Variants in PACS2 observed in about 807,000 individuals in gnomAD.
PACS2 encodes PACS1-like protein.
A neutral mutation model predicts 113.0 loss-of-function variants in PACS2; 36 were observed. The observed-to-expected ratio is 0.32, with a 90% CI of 0.24 to 0.42. The LOEUF (loss-of-function observed/expected upper bound fraction) is 0.42, where lower values mean the gene tolerates loss of function less well. PACS2 is among the 10% of genes least tolerant of loss of function. The pLI, the probability that PACS2 is intolerant of heterozygous loss-of-function variation, is 1.00. For missense variants in PACS2, 1,015 were observed against 1,239.5 expected (o/e 0.82, Z 2.72); for synonymous variants, 589 against 536.1 (o/e 1.10, Z -1.36).
chr14:105,350,977 G>A (rs587749436), intron 2 of PACS2, among the ~76,000 whole-genome samples: 5 of 152,318 alleles, frequency 3.3e-5, no homozygotes, highest in Admixed American at 2.0e-4. Context: ...CGCCATGGAC[G>A]TCTCATGGAG....
In PACS2 at chr14:105,315,502, A is replaced by G. The variant is rs1347391033; in HGVS notation, c.119+465A>G. 1 of 152,260 alleles carries G rather than the reference A, an allele frequency of 6.6e-6. No homozygotes were observed. The highest frequency in any genetic ancestry group is 1.5e-5 in the Non-Finnish European group (1 of 68,066). 9.4% of individuals were successfully genotyped at this position (152,260 alleles called of 1,614,324 possible). A position where few individuals can be genotyped will look rare whatever the true frequency, so the allele number is the denominator to read the frequency against. ...CAGGACTCGGTTGTATCCTCCGTCC[A>G]GCGCGCGGTGGAGATGCCCTGTCCT... On this transcript the variant is annotated intron_variant, in intron 1 of 24. Transcript: ENST00000447393. The surrounding 1 kb of genome is among the most constrained non-coding windows in gnomAD (Gnocchi z 4.4).
chr14:105,370,088 C>T (rs992052918), intron 8 of PACS2, 188 bp downstream of exon 8: 8 of 568,336 alleles, frequency 1.4e-5, no homozygotes, highest in African/African-American at 9.6e-5. Context: ...CCAGGTCACC[C>T]GCTGGGTCTC....
At chr14:105,325,961 G>A (rs752875440) in intron 1 of PACS2, among the ~76,000 whole-genome samples, 5 of 152,260 alleles carry the variant, frequency 3.3e-5, no homozygotes, top group Non-Finnish European at 7.3e-5. Flanking sequence ...CCAGGGACCA[G>A]TTGACAGCTA....
At chr14:105,392,166 A>G (rs945139211) in intron 22 of PACS2, 3 of 324,434 alleles carry the variant, frequency 9.2e-6, no homozygotes, top group South Asian at 3.8e-5. Context: ...TCTCCGGAGC[A>G]GACCTCACTC....
In PACS2 at chr14:105,397,209, C is replaced by T. The variant is rs1016497769; in HGVS notation, c.*2537C>T. 6.6e-6 allele frequency: 1 copy of T among 152,410 alleles called. No individual in the cohort carries two copies. Among genetic ancestry groups the T allele is most frequent in the South Asian group, 2.1e-4 (1 of 4,840 alleles). The allele number at this position is 152,410 out of a possible 1,614,324, so 9.4% of individuals were successfully genotyped here. A position where few individuals can be genotyped will look rare whatever the true frequency, so the allele number is the denominator to read the frequency against. On this transcript the variant is annotated 3_prime_UTR_variant, in exon 25 of 25. Transcript: ENST00000447393. ...TGCCAGCCCTCTGTGCCTCGGTTTT[C>T]CCACTGGTTACACAGGATGGTCGCA...
At chr14:105,350,211 C>T (rs1417819702) in intron 2 of PACS2, among the ~76,000 whole-genome samples, 2 of 152,222 alleles carry the variant, frequency 1.3e-5, no homozygotes, top group East Asian at 1.9e-4. Context: ...GCCACCAGGC[C>T]GTGAGGCTGT....
chr14:105,392,346 C>T (rs1408396037), intron 22 of PACS2: 11 of 509,558 alleles, frequency 2.2e-5, no homozygotes, highest in South Asian at 4.6e-5. Flanking sequence ...CGGGCCCTCA[C>T]GACTCCAAGG....
chr14:105,377,740 G>A (rs1436964665), intron 9 of PACS2, among the ~76,000 whole-genome samples: 1 of 152,246 alleles, frequency 6.6e-6, no homozygotes, highest in African/African-American at 2.4e-5. Flanking sequence ...TGCTCCTTCA[G>A]TTGCCAGCAG....
chr14:105,356,052 T>C lies in PACS2; in HGVS notation c.423+875T>C, dbSNP rs926209851. Among the ~76,000 whole-genome samples the C allele has an allele frequency of 2.0e-5, 3 of 152,128 alleles. No individual in the cohort carries two copies. The highest frequency in any genetic ancestry group is 3.9e-4 in the East Asian group (2 of 5,176). Reference sequence around the variant, plus strand: ...GAAGGTCAGCCAGCGCAGCCCCTCATTGGGAGCCGGAGATGCCAGAGCCCC... The same window carrying C: ...GAAGGTCAGCCAGCGCAGCCCCTCACTGGGAGCCGGAGATGCCAGAGCCCC... On this transcript the variant is annotated intron_variant, in intron 4 of 24. Coordinates refer to ENST00000447393, the MANE Select transcript of PACS2 (RefSeq NM_001100913.3). This position sits in a 1 kb window ranked among gnomAD's most constrained non-coding sequence, Gnocchi z 4.0.
intron 1 of PACS2, among the ~76,000 whole-genome samples, chr14:105,332,402 T>C (rs1465973837): frequency 1.3e-5 from 2 of 151,974 alleles, no homozygotes; most frequent in African/African-American, 2.4e-5. Context: ...CAGTGGGGAG[T>C]GAGAGGAGCA....
intron 21 of PACS2, 131 bp downstream of exon 21, chr14:105,391,380 T>C (rs2081350109): frequency 1.3e-6 from 1 of 748,462 alleles, no homozygotes; most frequent in Admixed American, 2.1e-5. Context: ...CTTGCTGTGG[T>C]GCTTCTGTCC....
At chr14:105,310,179 C>G (rs2058310297), upstream of PACS2, among the ~76,000 whole-genome samples, 1 of 151,952 alleles carries the variant, frequency 6.6e-6, no homozygotes, top group Non-Finnish European at 1.5e-5. Context: ...AACCATTTTC[C>G]ACTGGGAATT....
At chr14:105,391,797 A>G (rs1555414998) in intron 22 of PACS2, 31 bp downstream of exon 22, 1 of 1,559,572 alleles carries the variant, frequency 6.4e-7, no homozygotes, top group Non-Finnish European at 8.7e-7. Flanking sequence ...AGCACGTTTC[A>G]CTTACCCGCC....
chr14:105,391,432 C>T lies in PACS2; in HGVS notation c.2119+183C>T, dbSNP rs880001673. ...TCCAAGGACTGCTGTCACAAAGCCCCACATCAAGGCTGGCAGGGTTGTCTT... is the reference window on the plus strand; with the variant it reads ...TCCAAGGACTGCTGTCACAAAGCCCTACATCAAGGCTGGCAGGGTTGTCTT... On this transcript the variant is annotated intron_variant, in intron 21 of 24. Transcript: ENST00000447393. The T allele has an allele frequency of 1.1e-5, 7 of 658,604 alleles. No homozygotes were observed. The Admixed American group carries it at 1.9e-4, about 18-fold the overall frequency. 40.8% of individuals were successfully genotyped at this position (658,604 alleles called of 1,614,324 possible). A position where few individuals can be genotyped will look rare whatever the true frequency, so the allele number is the denominator to read the frequency against.
chr14:105,391,576 G>T (rs2081357927), intron 21 of PACS2, 55 bp from the exon 22 acceptor site: 1 of 1,563,476 alleles, frequency 6.4e-7, no homozygotes, highest in Non-Finnish European at 8.7e-7. Context: ...GGGCCTGGTG[G>T]CACCCGGGCA....
chr14:105,376,102 T>C lies in PACS2; in HGVS notation c.802-666T>C, dbSNP rs76129711. ...AACCATCAGATCTCTTAAGATGTGC[T>C]CATTATCATGAGAACAGCGTGGAGG... On this transcript the variant is annotated intron_variant, in intron 8 of 24. Transcript: ENST00000447393. This position sits in a 1 kb window ranked among gnomAD's most constrained non-coding sequence, Gnocchi z 4.7. Among the ~76,000 whole-genome samples the C allele has an allele frequency of 0.031, 4,659 of 152,072 alleles. 247 individuals carry two copies. The highest frequency in any genetic ancestry group is 0.1 in the African/African-American group (4,336 of 41,434).
At chr14:105,353,037 TC>T (rs1284039821) in intron 3 of PACS2, among the ~76,000 whole-genome samples, 1 of 93,288 alleles carries the variant, frequency 1.1e-5, no homozygotes. Flanking sequence ...GGCACCCCCA[TC>T]ACTGTCCCCT....
At chr14:105,325,557 G>A (rs1387847316) in intron 1 of PACS2, among the ~76,000 whole-genome samples, 2 of 152,166 alleles carry the variant, frequency 1.3e-5, no homozygotes, top group African/African-American at 2.4e-5. Context: ...CAGCCGCCAC[G>A]CACAGGCAGC....
chr14:105,368,722 C>T (rs1283983285), intron 7 of PACS2, among the ~76,000 whole-genome samples, 183 bp downstream of exon 7: 1 of 152,230 alleles, frequency 6.6e-6, no homozygotes, highest in African/African-American at 2.4e-5. Flanking sequence ...TCCCCTGCCT[C>T]GCCACATCTC....
Sources: gnomAD v4.1 joint callset for allele counts (sites outside exome capture counted in the v4.1 genomes callset) on GRCh38, gnomAD v4.1.1 for gene constraint, Gnocchi (gnomAD v3.1) non-coding constraint, MANE v1.5 for transcripts, NCBI Gene and HGNC (gene_info 2026-07-23, HGNC 2026-07-21) for gene names.